The following COMMD1 variants were observed in gnomAD, a reference collection of about 807,000 sequenced individuals.
COMMD1 encodes the protein copper metabolism domain containing 1.
In COMMD1, 10 loss-of-function variants were observed where a neutral mutation model predicts 17.2. The ratio of observed to expected loss-of-function variants is 0.58; its 90% CI spans 0.36 to 0.99. COMMD1 has a LOEUF of 0.99. Among genes scored for constraint, COMMD1 ranks in the 50% least tolerant of loss-of-function variants. The pLI is 0.01. For synonymous variants in COMMD1, 97 were observed against 91.6 expected (o/e 1.06, Z -0.34); for missense variants, 270 against 231.8 (o/e 1.17, Z -1.07).
intron 2 of COMMD1, among the ~76,000 whole-genome samples, chr2:62,040,129 T>C (rs1413706366): frequency 6.6e-6 from 1 of 152,172 alleles, no homozygotes; most frequent in Middle Eastern, 3.2e-3. Flanking sequence ...GGCATGTACC[T>C]GTAGTCCCAG....
At chr2:62,083,031 G>A (rs1671568812) in intron 2 of COMMD1, among the ~76,000 whole-genome samples, 1 of 152,204 alleles carries the variant, frequency 6.6e-6, no homozygotes, top group Non-Finnish European at 1.5e-5. Flanking sequence ...GGCTGAGGCA[G>A]GAAAATGGCT....
intron 1 of COMMD1, among the ~76,000 whole-genome samples, chr2:61,987,535 C>T (rs1282402924): frequency 6.6e-6 from 1 of 152,158 alleles, no homozygotes; most frequent in African/African-American, 2.4e-5. Context: ...CCCAAATAAA[C>T]AGAGTCACTT....
rs141670368 is a variant in COMMD1, at chr2:62,130,453, G to A, written c.463-5378G>A. ...ATGTGGCCTTTTTGAATCAGTATTGGTTAGTGAAATTCTAAGGCATCCTTT... is the reference window on the plus strand; with the variant it reads ...ATGTGGCCTTTTTGAATCAGTATTGATTAGTGAAATTCTAAGGCATCCTTT... On this transcript the variant is annotated intron_variant, in intron 2 of 2. Transcript: ENST00000311832. Among the ~76,000 whole-genome samples the A allele has an allele frequency of 5.7e-3, 872 of 151,942 alleles. 5 individuals are homozygous for A. Among genetic ancestry groups the A allele is most frequent in the Non-Finnish European group, 7.2e-3 (492 of 67,972 alleles).
intron 1 of COMMD1, chr2:61,915,641 C>T (rs569080976): frequency 2.7e-5 from 12 of 450,204 alleles, no homozygotes; most frequent in South Asian, 1.9e-4. Flanking sequence ...AAATGCTCAC[C>T]ACCATGCCTG....
chr2:61,889,291 C>T (rs971457324), intron 1 of COMMD1, among the ~76,000 whole-genome samples: 2 of 148,428 alleles, frequency 1.3e-5, no homozygotes, highest in African/African-American at 5.0e-5. Flanking sequence ...ACTGCAGCCT[C>T]GACCTCCGGG....
At chr2:61,990,765 C>T (rs976193921) in intron 1 of COMMD1, among the ~76,000 whole-genome samples, 4 of 151,644 alleles carry the variant, frequency 2.6e-5, no homozygotes, top group Non-Finnish European at 4.4e-5. Context: ...GACCCGCCCC[C>T]ATGAATCAGT....
intron 1 of COMMD1, among the ~76,000 whole-genome samples, chr2:61,950,422 G>GATGAGTA (rs1671021233): frequency 6.6e-6 from 1 of 152,230 alleles, no homozygotes; most frequent in Non-Finnish European, 1.5e-5. Context: ...AGTGCTCAGT[G>GATGAGTA]ATGAGTAATT....
chr2:62,009,950 G>A (rs1171965635), intron 2 of COMMD1, among the ~76,000 whole-genome samples: 2 of 151,998 alleles, frequency 1.3e-5, no homozygotes, highest in South Asian at 2.1e-4. Flanking sequence ...TTTTAGTTTT[G>A]AAAACATTAA....
intron 2 of COMMD1, among the ~76,000 whole-genome samples, chr2:62,079,496 G>A (rs750248297): frequency 2.6e-5 from 4 of 152,116 alleles, no homozygotes; most frequent in Non-Finnish European, 5.9e-5. Flanking sequence ...TCCCTTCACC[G>A]GAAACATCTA....
chr2:62,027,645 TG>T (rs1320024861), intron 2 of COMMD1, among the ~76,000 whole-genome samples: 2 of 146,610 alleles, frequency 1.4e-5, no homozygotes, highest in Non-Finnish European at 2.9e-5. Flanking sequence ...TGTTATGTTA[TG>T]TTATGTTATG....
chr2:61,972,688 A>C (rs1044117203), intron 1 of COMMD1, among the ~76,000 whole-genome samples: 2 of 152,192 alleles, frequency 1.3e-5, no homozygotes, highest in African/African-American at 4.8e-5. Context: ...ACATCAGGCA[A>C]ATCTCAACTG....
chr2:62,131,530 TCCTTTCCCTTTC>T (rs1010663208), intron 2 of COMMD1, among the ~76,000 whole-genome samples: 1 of 152,064 alleles, frequency 6.6e-6, no homozygotes, highest in African/African-American at 2.4e-5. Context: ...TTTTTCCTTT[TCCTTTCCCTTTC>T]CCTTTCCCTT....
At chr2:61,928,130 T>G (rs1329850936) in intron 1 of COMMD1, among the ~76,000 whole-genome samples, 1 of 152,058 alleles carries the variant, frequency 6.6e-6, no homozygotes, top group African/African-American at 2.4e-5. Context: ...ACAAATTATA[T>G]AAAAAGTAAG....
At chr2:62,083,254 C>A (rs940538222) in intron 2 of COMMD1, among the ~76,000 whole-genome samples, 2 of 150,332 alleles carry the variant, frequency 1.3e-5, no homozygotes, top group African/African-American at 5.0e-5. Context: ...CAGAATAAGA[C>A]CCTGTCTCAA....
intron 2 of COMMD1, among the ~76,000 whole-genome samples, chr2:62,032,628 T>A (rs575332073): frequency 1.3e-5 from 2 of 152,344 alleles, no homozygotes; most frequent in South Asian, 4.1e-4. Flanking sequence ...AGGCATGTTC[T>A]TTGAAATTAA....
intron 2 of COMMD1, among the ~76,000 whole-genome samples, chr2:62,109,873 A>G (rs1348929983): frequency 6.6e-6 from 1 of 150,946 alleles, no homozygotes; most frequent in Non-Finnish European, 1.5e-5. Context: ...GAGGTGGCTA[A>G]TAGTTGTCTC....
intron 1 of COMMD1, among the ~76,000 whole-genome samples, chr2:61,994,202 G>A (rs1668682081): frequency 6.6e-6 from 1 of 152,022 alleles, no homozygotes; most frequent in South Asian, 2.1e-4. Flanking sequence ...GGTCAGTCTG[G>A]TCATGAACTC....
chr2:62,094,486 C>T (rs1220201931), intron 2 of COMMD1, among the ~76,000 whole-genome samples: 4 of 152,004 alleles, frequency 2.6e-5, no homozygotes, highest in African/African-American at 4.8e-5. Context: ...ATTTTGTTGT[C>T]GTTGTTGTTT....
chr2:62,134,042 T>A (rs1673118241), intron 2 of COMMD1, among the ~76,000 whole-genome samples: 2 of 152,172 alleles, frequency 1.3e-5, no homozygotes, highest in Admixed American at 1.3e-4. Context: ...CTTCAAGTGA[T>A]CCTCCTGCGT....
Sources: gnomAD v4.1 joint callset for allele counts (sites outside exome capture counted in the v4.1 genomes callset) on GRCh38, gnomAD v4.1.1 for gene constraint, MANE v1.5 for transcripts, NCBI Gene and HGNC (gene_info 2026-07-23, HGNC 2026-07-21) for gene names.